Variants in ASB3 observed in about 807,000 individuals in gnomAD.
ASB3 encodes the protein ankyrin repeat and SOCS box protein 3.
A neutral mutation model predicts 54.5 loss-of-function variants in ASB3; 41 were observed. The ratio of observed to expected loss-of-function variants is 0.75; its 90% confidence interval spans 0.59 to 0.98. The LOEUF is 0.98. ASB3 is among the 50% of genes least tolerant of loss of function. The pLI is 0.00. For missense variants in ASB3, 733 were observed against 620.0 expected (o/e 1.18, Z -1.94); for synonymous variants, 266 against 221.2 (o/e 1.20, Z -1.80).
chr2:53,712,596 A>C (rs188194342), intron 7 of ASB3, among the ~76,000 whole-genome samples: 12 of 152,286 alleles, frequency 7.9e-5, no homozygotes, highest in Admixed American at 3.3e-4. Context: ...GGTGTTTCAG[A>C]GTTAACAGGG....
chr2:53,755,022 T>A (rs529363809), intron 2 of ASB3, among the ~76,000 whole-genome samples: 1 of 152,326 alleles, frequency 6.6e-6, no homozygotes, highest in East Asian at 1.9e-4. Flanking sequence ...AAATGGCTCA[T>A]CCTATTCACT....
intron 3 of ASB3, among the ~76,000 whole-genome samples, chr2:53,735,872 C>A (rs916521052): frequency 1.5e-4 from 23 of 151,734 alleles, no homozygotes; most frequent in Admixed American, 2.6e-4. Context: ...ACAAAGGTGA[C>A]AATGGTTTTG....
chr2:53,748,487 A>G (rs1483913283), intron 3 of ASB3: 1 of 152,220 alleles, frequency 6.6e-6, no homozygotes, highest in Non-Finnish European at 1.5e-5. Context: ...CAAAGCTTCC[A>G]TGAAACGTGT....
intron 3 of ASB3, among the ~76,000 whole-genome samples, chr2:53,738,252 G>A (rs3821081): frequency 0.53 from 80,113 of 151,930 alleles, 21,407 homozygotes; most frequent in East Asian, 0.62. Flanking sequence ...TTGCTCCTTC[G>A]CCTTTTTATG....
At chr2:53,740,029 CAGTA>C (rs1329396303) in intron 3 of ASB3, among the ~76,000 whole-genome samples, 2 of 152,156 alleles carry the variant, frequency 1.3e-5, no homozygotes, top group South Asian at 2.1e-4. Context: ...ATGACATGGT[CAGTA>C]AGTCTGTAAC....
At chr2:53,676,002 G>A (rs907153608) in intron 9 of ASB3, among the ~76,000 whole-genome samples, 6 of 152,108 alleles carry the variant, frequency 3.9e-5, no homozygotes, top group Non-Finnish European at 8.8e-5. Context: ...AAAATACATG[G>A]TAGGTTGCAT....
At chr2:53,749,349 C>A (rs749822620) in intron 3 of ASB3, among the ~76,000 whole-genome samples, 1 of 152,072 alleles carries the variant, frequency 6.6e-6, no homozygotes, top group Non-Finnish European at 1.5e-5. Flanking sequence ...AACTAAAAGT[C>A]TCAAACATTA....
intron 9 of ASB3, among the ~76,000 whole-genome samples, chr2:53,688,893 C>T (rs1668766619): frequency 6.6e-6 from 1 of 151,962 alleles, no homozygotes; most frequent in Admixed American, 6.6e-5. Flanking sequence ...CATAACACAC[C>T]TGCACGTCCT....
intron 2 of ASB3, among the ~76,000 whole-genome samples, chr2:53,759,832 A>C (rs1490073323): frequency 2.0e-5 from 3 of 152,162 alleles, no homozygotes; most frequent in Non-Finnish European, 2.9e-5. Context: ...GCCACTAACC[A>C]GATGATACAG....
intron 3 of ASB3, among the ~76,000 whole-genome samples, chr2:53,744,897 C>T (rs572140449): frequency 6.6e-6 from 1 of 152,168 alleles, no homozygotes; most frequent in Non-Finnish European, 1.5e-5. Flanking sequence ...TCACCCAACA[C>T]TATTTATAAA....
chr2:53,676,603 T>G (rs1439940222), intron 9 of ASB3, among the ~76,000 whole-genome samples: 1 of 152,218 alleles, frequency 6.6e-6, no homozygotes, highest in African/African-American at 2.4e-5. Context: ...GGCCTAAGTA[T>G]ATGGCGTTAA....
At chr2:53,682,214 A>C (rs1046771952) in intron 9 of ASB3, among the ~76,000 whole-genome samples, 14 of 151,918 alleles carry the variant, frequency 9.2e-5, no homozygotes, top group African/African-American at 3.4e-4. Flanking sequence ...GAAGAATGTC[A>C]TTGGTATTTT....
At chr2:53,702,526 A>C (rs770333798) in intron 7 of ASB3, among the ~76,000 whole-genome samples, 3 of 152,214 alleles carry the variant, frequency 2.0e-5, no homozygotes, top group Non-Finnish European at 4.4e-5. Context: ...CAAATTGAGA[A>C]AACTCTTCAA....
At chr2:53,767,977 C>G in intron 1 of ASB3, 1 of 1,614,088 alleles carries the variant, frequency 6.2e-7, no homozygotes, top group Non-Finnish European at 8.5e-7. Context: ...CTACAGCAGG[C>G]GCTTCTGGCA....
chr2:53,767,667 C>T (rs1033384586), intron 1 of ASB3: 3 of 579,148 alleles, frequency 5.2e-6, no homozygotes, highest in African/African-American at 1.9e-5. Context: ...CACCGAAGGT[C>T]AATGCCTCTT....
intron 9 of ASB3, among the ~76,000 whole-genome samples, chr2:53,686,315 C>T (rs977604490): frequency 2.0e-5 from 3 of 152,146 alleles, no homozygotes; most frequent in Non-Finnish European, 4.4e-5. Flanking sequence ...AAGTATATCT[C>T]ATTTTCAAAC....
chr2:53,671,808 T>A (rs1180821839), intron 9 of ASB3, among the ~76,000 whole-genome samples: 1 of 149,196 alleles, frequency 6.7e-6, no homozygotes, highest in Non-Finnish European at 1.5e-5. Flanking sequence ...TTTTCCAAGA[T>A]GAAAAGTGTT....
At chr2:53,724,067 A>C (rs1475049305) in intron 5 of ASB3, among the ~76,000 whole-genome samples, 1 of 152,202 alleles carries the variant, frequency 6.6e-6, no homozygotes, top group Non-Finnish European at 1.5e-5. Context: ...AGCAATTGCA[A>C]CAAAAACAAA....
chr2:53,744,677 T>C (rs1421044059), intron 3 of ASB3, among the ~76,000 whole-genome samples: 10 of 152,024 alleles, frequency 6.6e-5, no homozygotes, highest in Non-Finnish European at 1.0e-4. Context: ...ACATAATATA[T>C]AAAGAGATAT....
Sources: gnomAD v4.1 joint callset for allele counts (sites outside exome capture counted in the v4.1 genomes callset) on GRCh38, gnomAD v4.1.1 for gene constraint, MANE v1.5 for transcripts, NCBI Gene and HGNC (gene_info 2026-07-23, HGNC 2026-07-21) for gene names.